The following PDE4D variants were observed in gnomAD, a reference collection of about 807,000 sequenced individuals.
PDE4D encodes the protein phosphodiesterase 4D, also known as 3',5'-cyclic-AMP phosphodiesterase 4D.
PDE4D carries 24 observed loss-of-function variants against 87.4 expected under a neutral mutation model. The observed-to-expected ratio is 0.27, with a 90% CI of 0.20 to 0.39. The LOEUF is 0.39. Among genes scored for constraint, PDE4D ranks in the 10% least tolerant of loss-of-function variants. The pLI, the probability that PDE4D is intolerant of heterozygous loss-of-function variation, is 1.00. For synonymous variants in PDE4D, 384 were observed against 383.2 expected, an observed-to-expected ratio of 1.00 and a Z score of -0.02; for missense variants, 714 against 1,041.0, an observed-to-expected ratio of 0.69 and a Z score of 4.32.
chr5:60,369,009 C>T (rs563321239), intron 1 of PDE4D, among the ~76,000 whole-genome samples: 2 of 152,126 alleles, frequency 1.3e-5, no homozygotes, highest in African/African-American at 2.4e-5. Context: ...ACCCATAACC[C>T]AGCCATGGTG....
At chr5:59,173,922 T>A (rs1033885760) in intron 5 of PDE4D, among the ~76,000 whole-genome samples, 2 of 152,184 alleles carry the variant, frequency 1.3e-5, no homozygotes, top group African/African-American at 4.8e-5. Flanking sequence ...GATCTCTCTA[T>A]ATTTCTTTTT....
intron 1 of PDE4D, among the ~76,000 whole-genome samples, chr5:60,193,174 A>T (rs78206435): frequency 0.011 from 1,629 of 152,066 alleles, 13 homozygotes; most frequent in Non-Finnish European, 0.015. Flanking sequence ...GTTCCACTTC[A>T]CCTAGGAAAT....
At chr5:59,918,334 T>A (rs1210981138) in intron 3 of PDE4D, among the ~76,000 whole-genome samples, 1 of 152,152 alleles carries the variant, frequency 6.6e-6, no homozygotes, top group Non-Finnish European at 1.5e-5. Flanking sequence ...GACTACCTGA[T>A]TATCTGGAAA....
chr5:60,211,661 C>T (rs1262746150), intron 1 of PDE4D, among the ~76,000 whole-genome samples: 1 of 150,364 alleles, frequency 6.7e-6, no homozygotes, highest in Non-Finnish European at 1.5e-5. Flanking sequence ...GTTGTCTATG[C>T]ATCATATGCA....
At chr5:60,165,338 G>A (rs1472406308) in intron 2 of PDE4D, among the ~76,000 whole-genome samples, 3 of 151,964 alleles carry the variant, frequency 2.0e-5, no homozygotes, top group Non-Finnish European at 4.4e-5. Flanking sequence ...TTTATTTCCA[G>A]GCTCTGTATT....
chr5:59,736,352 C>T lies in PDE4D; in HGVS notation c.455+156816G>A, dbSNP rs1758063062. Among the ~76,000 whole-genome samples, 10 of 152,094 alleles carry T rather than the reference C, an allele frequency of 6.6e-5. No homozygotes were observed. In the South Asian group the frequency reaches 2.1e-3, roughly 32 times the overall value. On this transcript the variant is annotated intron_variant, in intron 1 of 14. Coordinates refer to ENST00000340635, the MANE Select transcript of PDE4D (RefSeq NM_001104631.2). ...GCTAAAATAACAGAATATTCTGGGG[C>T]ACTGTAACTTGATATAAATTCCTTT...
intron 5 of PDE4D, among the ~76,000 whole-genome samples, chr5:59,048,826 T>C (rs1761111755): frequency 1.3e-5 from 2 of 152,226 alleles, no homozygotes; most frequent in South Asian, 4.1e-4. Context: ...TCTTAATTTC[T>C]GTAACTGTCA....
At chr5:60,474,153 A>T (rs199736039) in intron 1 of PDE4D, among the ~76,000 whole-genome samples, 79 of 44,228 alleles carry the variant, frequency 1.8e-3, no homozygotes, top group African/African-American at 9.5e-3. Flanking sequence ...TATATATAAC[A>T]AAAACCTTAG....
intron 1 of PDE4D, among the ~76,000 whole-genome samples, chr5:59,532,660 T>C (rs575862704): frequency 2.6e-4 from 40 of 152,292 alleles, no homozygotes; most frequent in African/African-American, 9.4e-4. Context: ...AAAATTTAAG[T>C]TTCTTTGAGC....
chr5:59,468,889 C>T (rs1440849744), intron 1 of PDE4D, among the ~76,000 whole-genome samples: 3 of 152,108 alleles, frequency 2.0e-5, no homozygotes, highest in African/African-American at 7.2e-5. Context: ...TGAGATATGC[C>T]AGACACTGGT....
chr5:60,458,324 T>C (rs529016874), intron 1 of PDE4D, among the ~76,000 whole-genome samples: 6 of 132,306 alleles, frequency 4.5e-5, no homozygotes, highest in Admixed American at 9.3e-5. Flanking sequence ...GAGGCAGAGA[T>C]GGCAGTGAGC....
intron 2 of PDE4D, among the ~76,000 whole-genome samples, chr5:60,171,290 G>A (rs1206032734): frequency 6.6e-6 from 1 of 152,014 alleles, no homozygotes; most frequent in Non-Finnish European, 1.5e-5. Flanking sequence ...GGTAGATACA[G>A]TTGATTCCTA....
chr5:59,032,823 C>T (rs1757812709), intron 6 of PDE4D, among the ~76,000 whole-genome samples: 1 of 152,150 alleles, frequency 6.6e-6, no homozygotes, highest in African/African-American at 2.4e-5. Context: ...GTCTCAATAA[C>T]TTTTTCATTT....
At chr5:60,348,941 A>C (rs962316332) in intron 1 of PDE4D, among the ~76,000 whole-genome samples, 11 of 152,170 alleles carry the variant, frequency 7.2e-5, no homozygotes, top group African/African-American at 2.7e-4. Context: ...TATTAATACA[A>C]ATAGTGTCAA....
intron 3 of PDE4D, among the ~76,000 whole-genome samples, chr5:59,928,365 G>A (rs1438344593): frequency 6.6e-6 from 1 of 151,672 alleles, no homozygotes; most frequent in African/African-American, 2.4e-5. Flanking sequence ...ATGACCTGAG[G>A]TCAGGAGTTT....
At chr5:60,508,088 A>G (rs993038229) in intron 1 of PDE4D, among the ~76,000 whole-genome samples, 2 of 152,222 alleles carry the variant, frequency 1.3e-5, no homozygotes, top group African/African-American at 4.8e-5. Flanking sequence ...CTGGGCCTGT[A>G]GGATCCCTTC....
rs1209540517 is a variant in PDE4D, at chr5:60,505,185, G to A, written n.70+16866C>T. Among the ~76,000 whole-genome samples, 4 of 152,260 alleles carry A rather than the reference G, an allele frequency of 2.6e-5. No individual in the cohort carries two copies. In the South Asian group the frequency reaches 8.3e-4, roughly 32 times the overall value. On this transcript the variant is annotated intron_variant and non_coding_transcript_variant, in intron 1 of 2. Transcript: ENST00000506510. ...TGACTTTTTCACAATATTTCCAAAG[G>A]TCAATGAAGGCAAGGGGCACTGTTA...
chr5:60,253,539 G>A (rs1398875141), intron 1 of PDE4D, among the ~76,000 whole-genome samples: 7 of 151,850 alleles, frequency 4.6e-5, no homozygotes, highest in Admixed American at 2.0e-4. Context: ...TTCCAGACTT[G>A]AGAGGCTATC....
At chr5:59,420,696 A>G (rs1794336428) in intron 1 of PDE4D, among the ~76,000 whole-genome samples, 1 of 151,902 alleles carries the variant, frequency 6.6e-6, no homozygotes, top group African/African-American at 2.4e-5. Flanking sequence ...CAAGAAAAAA[A>G]AAAAAAAAAA....
Sources: allele counts gnomAD v4.1 joint callset (sites outside exome capture counted in the v4.1 genomes callset), GRCh38; gene constraint gnomAD v4.1.1; transcripts MANE v1.5; gene names NCBI Gene and HGNC (gene_info 2026-07-23, HGNC 2026-07-21).